The following ZFP82 variants were observed in gnomAD, a reference collection of about 807,000 sequenced individuals.
ZFP82 encodes the protein ZFP82 zinc finger protein, also known as zinc finger protein 82 homolog.
In ZFP82, 30 loss-of-function variants were observed where a neutral mutation model predicts 54.0. The observed-to-expected ratio is 0.56, with a 90% CI of 0.42 to 0.75. ZFP82 has a LOEUF of 0.75. ZFP82 is among the 30% of genes least tolerant of loss of function. ZFP82 has a pLI of 0.00. For missense variants in ZFP82, 500 were observed against 636.8 expected (o/e 0.79, Z 2.31); for synonymous variants, 194 against 209.5 (o/e 0.93, Z 0.64).
chr19:36,406,019 G>A (rs1035244054), intron 3 of ZFP82, among the ~76,000 whole-genome samples: 1 of 152,068 alleles, frequency 6.6e-6, no homozygotes, highest in Admixed American at 6.5e-5. Flanking sequence ...CTATAAAATA[G>A]GGATAATCAT....
At chr19:36,407,074 C>CTTT (rs35808591) in intron 3 of ZFP82, among the ~76,000 whole-genome samples, 13 of 99,754 alleles carry the variant, frequency 1.3e-4, no homozygotes, top group Non-Finnish European at 1.7e-4. Context: ...TTTTAATTTT[C>CTTT]TTTTTTTTTT....
rs2032210049 is a variant in ZFP82 at position 36,392,168 on chromosome 19, T to A, written c.*573A>T. On this transcript the variant is annotated 3_prime_UTR_variant, in exon 5 of 5. Coordinates refer to ENST00000392161, the MANE Select transcript of ZFP82 (RefSeq NM_133466.4). ...CTTGGTGGATGTCAAGAAGACAGGG[T>A]TCAGCAGGTGCCTCTCCCTCTCTAC... The A allele has an allele frequency of 6.6e-6, 1 of 152,504 alleles. No individual in the cohort carries two copies. The highest frequency in any genetic ancestry group is 2.4e-5 in the African/African-American group (1 of 41,390). 9.4% of individuals were successfully genotyped at this position (152,504 alleles called of 1,614,324 possible). A position where few individuals can be genotyped will look rare whatever the true frequency, so the allele number is the denominator to read the frequency against.
At chr19:36,386,313 G>A (rs1192442047), downstream of ZFP82, among the ~76,000 whole-genome samples, 1 of 152,246 alleles carries the variant, frequency 6.6e-6, no homozygotes, top group Non-Finnish European at 1.5e-5. Context: ...TGCTAATTTG[G>A]CAGGAGTGCA....
rs1357238479 is a variant in ZFP82 at position 36,392,394 on chromosome 19, T to C, written c.*347A>G. On this transcript the variant is annotated 3_prime_UTR_variant, in exon 5 of 5. Transcript: ENST00000392161. ...GATTCCTGTATACAACAGAGGGATGTAGATTCCACCTCTTGATTGAAAGTG... is the reference window on the plus strand; with the variant it reads ...GATTCCTGTATACAACAGAGGGATGCAGATTCCACCTCTTGATTGAAAGTG... The C allele has an allele frequency of 2.2e-5, 4 of 182,192 alleles. No homozygotes were observed. Among genetic ancestry groups the C allele is most frequent in the African/African-American group, 9.5e-5 (4 of 41,954 alleles). The allele number at this position is 182,192 out of a possible 1,614,324, so 11.3% of individuals were successfully genotyped here.
At chr19:36,405,186 G>GAAAAAAA (rs35735133) in intron 4 of ZFP82, among the ~76,000 whole-genome samples, 2 of 88,512 alleles carry the variant, frequency 2.3e-5, no homozygotes, top group Admixed American at 1.3e-4. Flanking sequence ...CTGCATCTCA[G>GAAAAAAA]AAAAAAAAAA....
At position 36,393,986 on chromosome 19, in the gene ZFP82, T is replaced by C. The variant is rs756799775; in HGVS notation, c.354A>G (p.Lys118=). 1.2e-6 allele frequency: 2 copies of C among 1,613,448 alleles called. No individual in the cohort carries two copies. The highest frequency in any genetic ancestry group is 1.7e-6 in the Non-Finnish European group (2 of 1,179,814). The change falls in exon 5 of 5, where the codon AAA becomes AAG. Residue 118 remains lysine, a synonymous_variant. Coordinates refer to ENST00000392161, the MANE Select transcript of ZFP82 (RefSeq NM_133466.4). ...ENHGLKGLIL[K]NDWESTGKIE... ...TTTTTCCTGTGGATTCCCAATCATT[T>C]TTTAAAATGAGACCCTTAAGGCCAT...
At chr19:36,403,843 T>C (rs1397386461) in intron 4 of ZFP82, among the ~76,000 whole-genome samples, 1 of 147,452 alleles carries the variant, frequency 6.8e-6, no homozygotes, top group African/African-American at 2.5e-5. Context: ...TATGAAACTT[T>C]AGTTGCTGAT....
At chr19:36,417,714 C>T (rs1297863727) in intron 1 of ZFP82, among the ~76,000 whole-genome samples, 11 of 152,090 alleles carry the variant, frequency 7.2e-5, no homozygotes, top group Admixed American at 5.9e-4. Context: ...CAAAGAAAGG[C>T]CAGGGTCATG....
At chr19:36,418,003 C>T (rs1033915594) in intron 1 of ZFP82, among the ~76,000 whole-genome samples, 9 of 152,076 alleles carry the variant, frequency 5.9e-5, no homozygotes, top group African/African-American at 2.2e-4. Context: ...GCCTCAATCT[C>T]CTCCTAGGCT....
At chr19:36,406,859 T>C (rs978135458) in intron 3 of ZFP82, among the ~76,000 whole-genome samples, 5 of 152,308 alleles carry the variant, frequency 3.3e-5, no homozygotes. Context: ...TACAATGTGA[T>C]GTTTTGATAC....
intron 4 of ZFP82, among the ~76,000 whole-genome samples, chr19:36,398,974 C>G (rs182164693): frequency 6.6e-6 from 1 of 151,716 alleles, no homozygotes. Context: ...AAAAAAAAAT[C>G]AGAGGTAGAA....
intron 3 of ZFP82, among the ~76,000 whole-genome samples, chr19:36,406,296 A>G (rs937973563): frequency 4.6e-5 from 7 of 152,196 alleles, no homozygotes; most frequent in Non-Finnish European, 8.8e-5. Context: ...GTACAATTCA[A>G]TGATTTTTAG....
At chr19:36,406,229 T>C (rs781423921) in intron 3 of ZFP82, among the ~76,000 whole-genome samples, 10 of 152,336 alleles carry the variant, frequency 6.6e-5, no homozygotes, top group Admixed American at 5.2e-4. Flanking sequence ...TGTAAAGTTC[T>C]TGGATTTTAA....
Position 36,407,938 on chromosome 19 carries a change from C to T in ZFP82, c.85G>A (p.Asp29Asn). 6.2e-7 allele frequency: 1 copy of T among 1,614,106 alleles called. No homozygotes were observed. The highest frequency in any genetic ancestry group is 1.3e-5 in the African/African-American group (1 of 75,046). Residue 29 changes from aspartate (D) to asparagine (N), a missense_variant, in exon 3 of 5, where the codon GAC becomes AAC. Coordinates refer to ENST00000392161, the MANE Select transcript of ZFP82 (RefSeq NM_133466.4). ...EWEYLDLEQK[D>N]LYRDVMLENY... ...TCCAACATGACATCTCTGTACAAGT[C>T]CTTTTGTTCCAAGTCCAGGTATTCC...
At chr19:36,404,721 T>C (rs144733712) in intron 4 of ZFP82, among the ~76,000 whole-genome samples, 1 of 152,368 alleles carries the variant, frequency 6.6e-6, no homozygotes, top group African/African-American at 2.4e-5. Context: ...TCAGCATACA[T>C]TTCTGTCTTA....
chr19:36,414,099 A>T (rs12980223), intron 1 of ZFP82, among the ~76,000 whole-genome samples: 1 of 151,724 alleles, frequency 6.6e-6, no homozygotes, highest in Non-Finnish European at 1.5e-5. Flanking sequence ...ACGGGGTTTC[A>T]CCATGTTAGC....
At chr19:36,418,066 C>A (rs2032703613) in intron 1 of ZFP82, among the ~76,000 whole-genome samples, 1 of 152,080 alleles carries the variant, frequency 6.6e-6, no homozygotes, top group African/African-American at 2.4e-5. Flanking sequence ...CAGGAGCACG[C>A]CATCACACCC....
intron 1 of ZFP82, among the ~76,000 whole-genome samples, chr19:36,418,253 C>A (rs1182855243): frequency 6.6e-6 from 1 of 152,088 alleles, no homozygotes; most frequent in Non-Finnish European, 1.5e-5. Context: ...CTTTGGCGTG[C>A]AGAAACTGAC....
chr19:36,409,321 C>T (rs2032537798), intron 2 of ZFP82, among the ~76,000 whole-genome samples: 1 of 151,852 alleles, frequency 6.6e-6, no homozygotes, highest in South Asian at 2.1e-4. Flanking sequence ...GGCTGGAGTA[C>T]AGTGGCACAT....
Sources: allele counts gnomAD v4.1 joint callset (sites outside exome capture counted in the v4.1 genomes callset), GRCh38; gene constraint gnomAD v4.1.1; transcripts MANE v1.5; gene names NCBI Gene and HGNC (gene_info 2026-07-23, HGNC 2026-07-21).